The following CRADD variants were observed in gnomAD, a reference collection of about 807,000 sequenced individuals.
CRADD encodes the protein death domain-containing protein CRADD.
A neutral mutation model predicts 15.5 loss-of-function variants in CRADD; 9 were observed. The observed-to-expected ratio is 0.58, with a 90% CI of 0.35 to 1.01. The LOEUF (loss-of-function observed/expected upper bound fraction) is 1.01. Ranked by LOEUF, CRADD falls within the 50% of genes least tolerant of loss-of-function variation. CRADD has a pLI of 0.02. For missense variants in CRADD, 227 were observed against 250.3 expected, an observed-to-expected ratio of 0.91 and a Z score of 0.63; for synonymous variants, 118 against 107.6, an observed-to-expected ratio of 1.10 and a Z score of -0.60.
intron 2 of CRADD, among the ~76,000 whole-genome samples, chr12:93,746,714 A>T (rs1159250943): frequency 2.6e-5 from 4 of 152,342 alleles, no homozygotes; most frequent in African/African-American, 9.6e-5. Flanking sequence ...AAAGAGGTTA[A>T]ATCTGAATAA....
intron 2 of CRADD, among the ~76,000 whole-genome samples, chr12:93,814,036 T>C (rs899540676): frequency 1.3e-5 from 2 of 152,090 alleles, no homozygotes; most frequent in Non-Finnish European, 1.5e-5. Context: ...GTGAGGGCAG[T>C]AGAGATGGTT....
At chr12:93,874,126 G>A (rs1958441700) in intron 2 of CRADD, among the ~76,000 whole-genome samples, 1 of 151,950 alleles carries the variant, frequency 6.6e-6, no homozygotes, top group African/African-American at 2.4e-5. Flanking sequence ...TTCATTACTT[G>A]TTATTGGTCT....
chr12:93,746,367 C>G (rs1432136460), intron 2 of CRADD, among the ~76,000 whole-genome samples: 1 of 152,122 alleles, frequency 6.6e-6, no homozygotes, highest in Admixed American at 6.5e-5. Flanking sequence ...CTAATATTAC[C>G]TCTCTTTTCC....
At chr12:93,871,104 G>A (rs907915008) in intron 2 of CRADD, among the ~76,000 whole-genome samples, 3 of 152,154 alleles carry the variant, frequency 2.0e-5, no homozygotes, top group Non-Finnish European at 4.4e-5. Context: ...CTCTCTTTGA[G>A]TATTCTTGCT....
intron 2 of CRADD, chr12:93,738,381 T>C: frequency 2.8e-6 from 2 of 702,342 alleles, no homozygotes; most frequent in Non-Finnish European, 5.2e-6. Context: ...TAACCCTTTG[T>C]GGAATTCTTC....
chr12:93,888,374 G>C (rs372518605), intron 2 of CRADD, among the ~76,000 whole-genome samples: 1 of 148,824 alleles, frequency 6.7e-6, no homozygotes, highest in Admixed American at 6.8e-5. Flanking sequence ...GCAGTGAGCC[G>C]AGATCGTGCC....
At chr12:93,684,800 C>G (rs1024867043) in intron 2 of CRADD, among the ~76,000 whole-genome samples, 2 of 152,132 alleles carry the variant, frequency 1.3e-5, no homozygotes, top group African/African-American at 4.8e-5. Flanking sequence ...GGGAGGAGAG[C>G]TTTCAGATAG....
At chr12:93,883,624 C>T (rs1217399527) in intron 2 of CRADD, among the ~76,000 whole-genome samples, 1 of 152,002 alleles carries the variant, frequency 6.6e-6, no homozygotes, top group Non-Finnish European at 1.5e-5. Flanking sequence ...TTGACATTAG[C>T]CTGGGCAATA....
chr12:93,720,035 A>G (rs1053952060), intron 2 of CRADD, among the ~76,000 whole-genome samples: 4 of 151,686 alleles, frequency 2.6e-5, no homozygotes, highest in Admixed American at 1.3e-4. Flanking sequence ...TGGGTTGTTG[A>G]TCTTAGGTCT....
At chr12:93,865,866 G>C (rs1185433986) in intron 2 of CRADD, among the ~76,000 whole-genome samples, 24 of 152,144 alleles carry the variant, frequency 1.6e-4, no homozygotes, top group Non-Finnish European at 4.4e-5. Context: ...GTTGAATCTG[G>C]GCATGTGGAA....
At chr12:93,785,082 G>GT (rs780227114) in intron 2 of CRADD, among the ~76,000 whole-genome samples, 2 of 150,770 alleles carry the variant, frequency 1.3e-5, no homozygotes, top group East Asian at 3.9e-4. Context: ...ACAATGTTGT[G>GT]TTTTGCTTTT....
intron 2 of CRADD, among the ~76,000 whole-genome samples, chr12:93,688,201 T>A (rs1223119915): frequency 1.3e-5 from 2 of 152,164 alleles, no homozygotes; most frequent in East Asian, 3.8e-4. Context: ...TCTTTATTCA[T>A]AATTAAAAAT....
intron 2 of CRADD, among the ~76,000 whole-genome samples, chr12:93,740,346 T>C (rs2136927517): frequency 6.6e-6 from 1 of 152,246 alleles, no homozygotes; most frequent in Non-Finnish European, 1.5e-5. Context: ...AACATTTCAG[T>C]TAAGTTTGAA....
chr12:93,858,496 C>T (rs1288552328), intron 2 of CRADD, among the ~76,000 whole-genome samples: 1 of 152,164 alleles, frequency 6.6e-6, no homozygotes, highest in Admixed American at 6.5e-5. Flanking sequence ...ATTGTCAGTC[C>T]TCCCTTTTGT....
intron 2 of CRADD, among the ~76,000 whole-genome samples, chr12:93,757,520 A>G (rs147003094): frequency 4.6e-5 from 7 of 152,374 alleles, no homozygotes; most frequent in Non-Finnish European, 1.0e-4. Context: ...AGTTCTTCTC[A>G]GCAGTGCTCT....
At chr12:93,787,695 A>G (rs1957295808) in intron 2 of CRADD, among the ~76,000 whole-genome samples, 1 of 152,184 alleles carries the variant, frequency 6.6e-6, no homozygotes, top group African/African-American at 2.4e-5. Context: ...CTCATAGCTG[A>G]CTGTGATTAT....
chr12:93,694,550 A>G (rs1195434883), intron 2 of CRADD, among the ~76,000 whole-genome samples: 2 of 152,298 alleles, frequency 1.3e-5, no homozygotes, highest in East Asian at 1.9e-4. Context: ...TGCAGGTGAC[A>G]TGATCTTAAA....
chr12:93,833,846 G>A (rs1263248580), intron 2 of CRADD, among the ~76,000 whole-genome samples: 1 of 150,388 alleles, frequency 6.6e-6, no homozygotes, highest in African/African-American at 2.4e-5. Context: ...TTATGTTTTT[G>A]TGGTAGGCAC....
chr12:93,775,447 G>A (rs950895717), intron 2 of CRADD, among the ~76,000 whole-genome samples: 2 of 152,214 alleles, frequency 1.3e-5, no homozygotes, highest in Admixed American at 6.5e-5. Flanking sequence ...TCTGTGAGAT[G>A]TACTATTTAG....
Sources: gnomAD v4.1 joint callset for allele counts (sites outside exome capture counted in the v4.1 genomes callset) on GRCh38, gnomAD v4.1.1 for gene constraint, MANE v1.5 for transcripts, NCBI Gene and HGNC (gene_info 2026-07-23, HGNC 2026-07-21) for gene names.